EML4: variants seen among roughly 807,000 people sequenced by gnomAD.
The protein encoded by EML4 is echinoderm microtubule-associated protein-like 4.
In EML4, 72 loss-of-function variants were observed where a neutral mutation model predicts 129.0. That is an observed-to-expected ratio of 0.56 (90% CI 0.46 to 0.68). The LOEUF is 0.68. Ranked by LOEUF, EML4 falls within the 30% of genes least tolerant of loss-of-function variation. The pLI is 0.00. For synonymous variants in EML4, 532 were observed against 405.0 expected, an observed-to-expected ratio of 1.31 and a Z score of -3.77; for missense variants, 1,363 against 1,190.6, an observed-to-expected ratio of 1.14 and a Z score of -2.13.
At chr2:42,263,066 C>T in intron 4 of EML4, 112 bp from the exon 5 acceptor site, 1 of 862,770 alleles carries the variant, frequency 1.2e-6, no homozygotes, top group South Asian at 1.8e-5. Flanking sequence ...CTTCTCTTTT[C>T]TGGATTAGCT....
rs34837271 is a variant in EML4 at position 42,309,431 on chromosome 2, C to CAAA, written c.1967+4894_1967+4896dup. 9.0e-3 allele frequency among the ~76,000 whole-genome samples: 969 copies of CAAA among 107,322 alleles called. 58 individuals carry two copies. The East Asian group carries it at 0.18, about 20-fold the overall frequency. 70.4% of individuals were successfully genotyped at this position (107,322 alleles called of 152,430 possible). On this transcript the variant is annotated intron_variant, in intron 17 of 22. Coordinates refer to ENST00000318522, the MANE Select transcript of EML4 (RefSeq NM_019063.5). ...TTTCTCAAAACCAAAACAACCACCA[C>CAAA]AAAAAAAAAAAAAAAATTTTTTTTT...
intron 3 of EML4, among the ~76,000 whole-genome samples, chr2:42,257,412 G>A (rs1395706279): frequency 6.6e-6 from 1 of 152,152 alleles, no homozygotes; most frequent in Non-Finnish European, 1.5e-5. Flanking sequence ...ATGTACTGAT[G>A]GAAAATGCTT....
chr2:42,327,086 G>A (rs1363184483), intron 21 of EML4, among the ~76,000 whole-genome samples: 1 of 152,026 alleles, frequency 6.6e-6, no homozygotes, highest in African/African-American at 2.4e-5. Flanking sequence ...TATATAAGGG[G>A]AATCATACAA....
At chr2:42,185,884 T>C (rs1313939918) in intron 1 of EML4, among the ~76,000 whole-genome samples, 1 of 152,218 alleles carries the variant, frequency 6.6e-6, no homozygotes, top group African/African-American at 2.4e-5. Context: ...AGGTCTTCCC[T>C]CTGGTTTTCT....
intron 6 of EML4, among the ~76,000 whole-genome samples, chr2:42,280,104 G>A (rs147442844): frequency 3.3e-5 from 5 of 152,122 alleles, no homozygotes; most frequent in African/African-American, 4.8e-5. Flanking sequence ...AAGTTATGCC[G>A]TTTAACATCT....
At chr2:42,255,650 A>C (rs1403901061) in intron 2 of EML4, among the ~76,000 whole-genome samples, 1 of 152,226 alleles carries the variant, frequency 6.6e-6, no homozygotes, top group African/African-American at 2.4e-5. Flanking sequence ...ATGTAAAAAA[A>C]AAATTTCTTA....
rs575948341 is a variant in EML4, at chr2:42,291,968, C to T, written c.1219-3157C>T. On this transcript the variant is annotated intron_variant, in intron 11 of 22. Coordinates refer to ENST00000318522, the MANE Select transcript of EML4 (RefSeq NM_019063.5). ...ACTATGCACCTACCAAAATATCTTACGTGAAAAAGACAAAAATACTAAGGT... is the reference window on the plus strand; with the variant it reads ...ACTATGCACCTACCAAAATATCTTATGTGAAAAAGACAAAAATACTAAGGT... Among the ~76,000 whole-genome samples, 30 of 152,182 alleles carry T rather than the reference C, an allele frequency of 2.0e-4. 1 individual carries two copies. In the South Asian group the frequency reaches 6.2e-3, roughly 31 times the overall value.
chr2:42,201,579 G>T (rs1672236472), intron 1 of EML4, among the ~76,000 whole-genome samples: 1 of 152,164 alleles, frequency 6.6e-6, no homozygotes, highest in Non-Finnish European at 1.5e-5. Flanking sequence ...TTTCACAATA[G>T]CAAGGATATG....
At chr2:42,203,070 A>T (rs144240785) in intron 1 of EML4, among the ~76,000 whole-genome samples, 58 of 152,264 alleles carry the variant, frequency 3.8e-4, no homozygotes, top group African/African-American at 1.3e-3. Context: ...ATTTCAAAAT[A>T]GAATAGAATA....
chr2:42,181,245 C>T (rs1254356445), intron 1 of EML4, among the ~76,000 whole-genome samples: 1 of 152,058 alleles, frequency 6.6e-6, no homozygotes, highest in African/African-American at 2.4e-5. Flanking sequence ...TTCATCAGAC[C>T]TTCAGTTTAT....
intron 1 of EML4, 70 bp from the exon 2 acceptor site, chr2:42,245,435 T>G: frequency 7.1e-7 from 1 of 1,411,818 alleles, no homozygotes; most frequent in Non-Finnish European, 9.7e-7. Context: ...TGTGGGATGG[T>G]TTTTCTAATC....
intron 1 of EML4, among the ~76,000 whole-genome samples, chr2:42,177,732 C>T (rs1339038517): frequency 6.6e-6 from 1 of 152,094 alleles, no homozygotes; most frequent in Non-Finnish European, 1.5e-5. Context: ...AATTCTGTGC[C>T]AGATTCTAGG....
chr2:42,254,142 T>C (rs1439900354), intron 2 of EML4, among the ~76,000 whole-genome samples: 2 of 152,148 alleles, frequency 1.3e-5, no homozygotes, highest in African/African-American at 4.8e-5. Flanking sequence ...GAGGCATTGG[T>C]AAAAGAACGG....
chr2:42,242,076 T>A (rs73933515), intron 1 of EML4, among the ~76,000 whole-genome samples: 3,305 of 152,188 alleles, frequency 0.022, 123 homozygotes, highest in African/African-American at 0.075. Context: ...AGTCATTTTT[T>A]AAAAAATCAA....
intron 1 of EML4, among the ~76,000 whole-genome samples, chr2:42,189,947 A>G (rs1452521716): frequency 6.6e-6 from 1 of 152,104 alleles, no homozygotes; most frequent in African/African-American, 2.4e-5. Flanking sequence ...ACGAAGTCAA[A>G]ATTCCCAATC....
chr2:42,291,912 G>A (rs1254596151), intron 11 of EML4, among the ~76,000 whole-genome samples: 1 of 152,068 alleles, frequency 6.6e-6, no homozygotes, highest in African/African-American at 2.4e-5. Flanking sequence ...AATTATCAAA[G>A]AAATTCAAAT....
At chr2:42,172,530 C>T (rs929940884) in intron 1 of EML4, among the ~76,000 whole-genome samples, 1 of 152,114 alleles carries the variant, frequency 6.6e-6, no homozygotes, top group African/African-American at 2.4e-5. Flanking sequence ...TTTTAATCTC[C>T]GCAGCTGATG....
At chr2:42,295,022 C>G (rs1373643299) in intron 11 of EML4, 103 bp from the exon 12 acceptor site, 5 of 1,074,262 alleles carry the variant, frequency 4.7e-6, no homozygotes, top group African/African-American at 3.2e-5. Context: ...GGCATTTTCT[C>G]AAAATCTTGC....
At chr2:42,218,953 A>G (rs1043859385) in intron 1 of EML4, among the ~76,000 whole-genome samples, 2 of 152,190 alleles carry the variant, frequency 1.3e-5, no homozygotes, top group African/African-American at 4.8e-5. Context: ...CATGCACTGC[A>G]GCACTTGACT....
Sources: gnomAD v4.1 joint callset for allele counts (sites outside exome capture counted in the v4.1 genomes callset) on GRCh38, gnomAD v4.1.1 for gene constraint, MANE v1.5 for transcripts, NCBI Gene and HGNC (gene_info 2026-07-23, HGNC 2026-07-21) for gene names.